Variants in SRGAP2 observed in about 807,000 individuals in gnomAD.
SRGAP2 encodes the protein SLIT-ROBO Rho GTPase-activating protein 2.
Under a neutral mutation model 57.2 loss-of-function variants are expected in SRGAP2, and 15 were observed. That is an observed-to-expected ratio of 0.26 (90% confidence interval 0.18 to 0.40). The LOEUF (loss-of-function observed/expected upper bound fraction) is 0.40. Among genes scored for constraint, SRGAP2 ranks in the 10% least tolerant of loss-of-function variants. The probability of loss-of-function intolerance (pLI) is 1.00; values close to 1 mark genes in which losing one functional copy is unlikely to be tolerated. For synonymous variants in SRGAP2, 249 were observed against 248.0 expected, an observed-to-expected ratio of 1.00 and a Z score of -0.04; for missense variants, 520 against 669.6, an observed-to-expected ratio of 0.78 and a Z score of 2.47.
chr1:206,420,383 C>T (rs917974403), intron 12 of SRGAP2, among the ~76,000 whole-genome samples: 2 of 152,154 alleles, frequency 1.3e-5, no homozygotes, highest in African/African-American at 4.8e-5. Flanking sequence ...GTAAGTTCAC[C>T]TGAGCTCCTG....
At chr1:206,452,251 G>A (rs868929591) in intron 19 of SRGAP2, among the ~76,000 whole-genome samples, 1 of 152,130 alleles carries the variant, frequency 6.6e-6, no homozygotes, top group African/African-American at 2.4e-5. Flanking sequence ...GATTGCATTC[G>A]TAGACCCCTT....
chr1:206,431,078 C>G (rs1455716070), intron 14 of SRGAP2, among the ~76,000 whole-genome samples: 1 of 152,158 alleles, frequency 6.6e-6, no homozygotes, highest in Non-Finnish European at 1.5e-5. Context: ...GGCAGCTATT[C>G]TCTCTCCCTC....
At chr1:206,427,919 G>A (rs1321050112) in intron 13 of SRGAP2, among the ~76,000 whole-genome samples, 1 of 152,040 alleles carries the variant, frequency 6.6e-6, no homozygotes, top group Non-Finnish European at 1.5e-5. Flanking sequence ...GACCAGCCTG[G>A]GCAACATAGC....
chr1:206,346,799 A>G (rs1419786766), intron 4 of SRGAP2, among the ~76,000 whole-genome samples: 1 of 152,216 alleles, frequency 6.6e-6, no homozygotes, highest in Non-Finnish European at 1.5e-5. Context: ...AATTATGATA[A>G]TAGAAGTCAT....
chr1:206,417,022 C>T (rs976294482), intron 11 of SRGAP2, among the ~76,000 whole-genome samples: 4 of 152,062 alleles, frequency 2.6e-5, no homozygotes, highest in African/African-American at 7.2e-5. Context: ...TCCTACCCAC[C>T]TTTTTTGCCC....
At chr1:206,284,940 T>C (rs1244148224) in intron 2 of SRGAP2, among the ~76,000 whole-genome samples, 2 of 152,232 alleles carry the variant, frequency 1.3e-5, no homozygotes, top group African/African-American at 2.4e-5. Context: ...TCACTTGATA[T>C]ATCTGAGGTT....
chr1:206,236,601 CTT>C (rs1210318371), intron 2 of SRGAP2, among the ~76,000 whole-genome samples: 1 of 140,410 alleles, frequency 7.1e-6, no homozygotes, highest in African/African-American at 2.7e-5. Flanking sequence ...GCATCTCAGT[CTT>C]TTGAAATATG....
intron 14 of SRGAP2, among the ~76,000 whole-genome samples, chr1:206,433,957 G>A (rs1440312466): frequency 1.3e-5 from 2 of 152,162 alleles, no homozygotes; most frequent in South Asian, 2.1e-4. Flanking sequence ...TGAGCACATA[G>A]TAGCTGCTCA....
At chr1:206,455,885 G>C (rs574376011) in intron 21 of SRGAP2, 1 of 152,366 alleles carries the variant, frequency 6.6e-6, no homozygotes, top group South Asian at 2.1e-4. Flanking sequence ...GAGGCATTCA[G>C]GTTATTGGAG....
chr1:206,418,909 TG>T (rs1660024988), intron 11 of SRGAP2, among the ~76,000 whole-genome samples: 1 of 151,622 alleles, frequency 6.6e-6, no homozygotes, highest in Admixed American at 6.6e-5. Flanking sequence ...TGTGTGTGTG[TG>T]TGTGTGTGTG....
intron 2 of SRGAP2, among the ~76,000 whole-genome samples, chr1:206,253,890 G>A (rs1303318057): frequency 1.4e-5 from 2 of 147,992 alleles, no homozygotes; most frequent in Non-Finnish European, 3.0e-5. Context: ...CCATTTTCAA[G>A]AGCAAGCCCT....
intron 3 of SRGAP2, among the ~76,000 whole-genome samples, chr1:206,306,734 G>A (rs1234757841): frequency 1.4e-4 from 21 of 152,310 alleles, no homozygotes; most frequent in African/African-American, 5.1e-4. Flanking sequence ...TAGATACAGA[G>A]TTTTGACACA....
chr1:206,208,882 A>G (rs1666128603), intron 2 of SRGAP2, among the ~76,000 whole-genome samples: 1 of 152,126 alleles, frequency 6.6e-6, no homozygotes, highest in Admixed American at 6.5e-5. Flanking sequence ...TTCTGACAGT[A>G]GCTAGCCTTT....
intron 4 of SRGAP2, among the ~76,000 whole-genome samples, chr1:206,376,296 T>G (rs1179502525): frequency 6.6e-6 from 1 of 150,730 alleles, no homozygotes; most frequent in African/African-American, 2.4e-5. Context: ...ACAGAGTCAT[T>G]TAGTTCTTAC....
At chr1:206,301,020 G>A (rs1221519385) in intron 2 of SRGAP2, among the ~76,000 whole-genome samples, 76 of 152,106 alleles carry the variant, frequency 5.0e-4, no homozygotes, top group African/African-American at 1.7e-3. Context: ...CCCTAAAAAC[G>A]CCTTGGTTCT....
intron 2 of SRGAP2, among the ~76,000 whole-genome samples, chr1:206,280,139 G>T (rs1251922545): frequency 7.9e-5 from 12 of 151,466 alleles, no homozygotes; most frequent in Non-Finnish European, 1.5e-4. Flanking sequence ...TTAAGACAAG[G>T]TTTCACTATG....
chr1:206,305,548 G>A (rs1672137801), intron 3 of SRGAP2, among the ~76,000 whole-genome samples: 1 of 152,098 alleles, frequency 6.6e-6, no homozygotes, highest in Admixed American at 6.5e-5. Context: ...TTCTCTTAGG[G>A]CATTCAGCAC....
At chr1:206,354,865 T>A (rs1256970233) in intron 4 of SRGAP2, among the ~76,000 whole-genome samples, 5 of 150,832 alleles carry the variant, frequency 3.3e-5, no homozygotes, top group African/African-American at 1.2e-4. Context: ...TCTCCTTGTT[T>A]CCTCCCTCCC....
chr1:206,321,104 T>G (rs2102831114), intron 3 of SRGAP2, among the ~76,000 whole-genome samples: 1 of 144,832 alleles, frequency 6.9e-6, no homozygotes, highest in South Asian at 2.1e-4. Flanking sequence ...TCTTATCTCT[T>G]TACTTTCCTT....
Sources: gnomAD v4.1 joint callset for allele counts (sites outside exome capture counted in the v4.1 genomes callset) on GRCh38, gnomAD v4.1.1 for gene constraint, MANE v1.5 for transcripts, NCBI Gene and HGNC (gene_info 2026-07-23, HGNC 2026-07-21) for gene names.